The following DLGAP2 variants were observed in gnomAD, a reference collection of about 807,000 sequenced individuals.
The protein encoded by DLGAP2 is DLG associated protein 2, also known as disks large-associated protein 2.
In DLGAP2, 26 loss-of-function variants were observed where a neutral mutation model predicts 100.3. The observed-to-expected ratio is 0.26, with a 90% confidence interval of 0.19 to 0.36. The LOEUF (loss-of-function observed/expected upper bound fraction) is 0.36. DLGAP2 is among the 10% of genes least tolerant of loss of function. The pLI is 1.00. For missense variants in DLGAP2, 1,858 were observed against 1,453.2 expected, an observed-to-expected ratio of 1.28 and a Z score of -4.53; for synonymous variants, 886 against 630.1, an observed-to-expected ratio of 1.41 and a Z score of -6.08.
intron 1 of DLGAP2, among the ~76,000 whole-genome samples, chr8:800,677 T>C (rs543508334): frequency 1.3e-5 from 2 of 152,236 alleles, no homozygotes; most frequent in South Asian, 2.1e-4. Context: ...TGTGTACATG[T>C]ATGTGTATGT....
At chr8:743,782 C>T (rs1436723168) in intron 1 of DLGAP2, among the ~76,000 whole-genome samples, 2 of 152,226 alleles carry the variant, frequency 1.3e-5, no homozygotes, top group African/African-American at 4.8e-5. Context: ...CCAGACTAGA[C>T]TCTGACTCCT....
intron 3 of DLGAP2, among the ~76,000 whole-genome samples, chr8:1,447,237 G>C (rs1314723239): frequency 1.3e-5 from 2 of 152,194 alleles, no homozygotes; most frequent in Non-Finnish European, 2.9e-5. Flanking sequence ...GTTTGTCATA[G>C]ATAGCTCTTA....
chr8:788,764 A>C (rs1000710185), intron 1 of DLGAP2, among the ~76,000 whole-genome samples: 4 of 152,240 alleles, frequency 2.6e-5, no homozygotes, highest in Non-Finnish European at 5.9e-5. Flanking sequence ...GAAATACAGC[A>C]GAAGTCACTT....
chr8:1,024,544 C>T (rs553976140), intron 2 of DLGAP2, among the ~76,000 whole-genome samples: 10 of 152,278 alleles, frequency 6.6e-5, no homozygotes, highest in African/African-American at 2.4e-4. Flanking sequence ...AGCTTGGGGG[C>T]GGCTCTTCCC....
At chr8:1,576,963 A>G (rs537990335) in intron 6 of DLGAP2, among the ~76,000 whole-genome samples, 33 of 152,328 alleles carry the variant, frequency 2.2e-4, no homozygotes, top group Admixed American at 2.1e-3. Context: ...CATCGCCAAG[A>G]CAATCCTAAG....
At chr8:1,172,594 T>G (rs964108868) in intron 2 of DLGAP2, among the ~76,000 whole-genome samples, 3 of 152,050 alleles carry the variant, frequency 2.0e-5, no homozygotes. Context: ...TTTTTATTCT[T>G]TTTTCTCTAA....
chr8:1,618,332 A>C (rs554906231), intron 6 of DLGAP2, among the ~76,000 whole-genome samples: 3 of 152,336 alleles, frequency 2.0e-5, no homozygotes, highest in African/African-American at 7.2e-5. Context: ...AATAATTGGA[A>C]AATGCAGTTA....
At chr8:1,287,771 G>A (rs1366112017) in intron 3 of DLGAP2, among the ~76,000 whole-genome samples, 2 of 53,344 alleles carry the variant, frequency 3.7e-5, no homozygotes, top group Non-Finnish European at 7.4e-5. Context: ...GCGTGTGTGT[G>A]TGTGTGTGTC....
chr8:1,564,522 T>C (rs1802317198), intron 5 of DLGAP2, among the ~76,000 whole-genome samples: 1 of 152,200 alleles, frequency 6.6e-6, no homozygotes, highest in Non-Finnish European at 1.5e-5. Context: ...ATGTATGGGC[T>C]CTCAGCTCTG....
chr8:1,407,181 G>A (rs1270925719), intron 3 of DLGAP2, among the ~76,000 whole-genome samples: 3 of 42,574 alleles, frequency 7.0e-5, no homozygotes, highest in Non-Finnish European at 8.2e-5. Flanking sequence ...CTTACTGAGC[G>A]CTCCCTCCTT....
chr8:884,534 C>A (rs1040172816), intron 1 of DLGAP2, among the ~76,000 whole-genome samples: 6 of 151,626 alleles, frequency 4.0e-5, no homozygotes, highest in Non-Finnish European at 5.9e-5. Context: ...GATGTTAGAT[C>A]TTTGTCAGAT....
intron 3 of DLGAP2, among the ~76,000 whole-genome samples, chr8:1,343,960 C>G (rs1801481112): frequency 6.6e-6 from 1 of 152,334 alleles, no homozygotes; most frequent in Non-Finnish European, 1.5e-5. Context: ...GGCAGGTGTA[C>G]AGAGAAACAT....
At chr8:1,103,060 G>C (rs1804638491) in intron 2 of DLGAP2, among the ~76,000 whole-genome samples, 1 of 151,696 alleles carries the variant, frequency 6.6e-6, no homozygotes, top group African/African-American at 2.4e-5. Context: ...AGTCTCTGTG[G>C]TTTTCCGGGG....
At chr8:779,038 T>C (rs1157443520) in intron 1 of DLGAP2, among the ~76,000 whole-genome samples, 1 of 152,220 alleles carries the variant, frequency 6.6e-6, no homozygotes, top group Non-Finnish European at 1.5e-5. Context: ...GATATAATCT[T>C]GTGGTGTGCC....
chr8:1,041,524 GC>G (rs2129030619), intron 2 of DLGAP2, among the ~76,000 whole-genome samples: 1 of 151,066 alleles, frequency 6.6e-6, no homozygotes, highest in South Asian at 2.1e-4. Context: ...TGTTCTCTGA[GC>G]CCCTTGCCGT....
At chr8:1,277,586 A>T (rs1449286629) in intron 3 of DLGAP2, among the ~76,000 whole-genome samples, 2 of 152,212 alleles carry the variant, frequency 1.3e-5, no homozygotes, top group African/African-American at 2.4e-5. Context: ...TGAGTATCCC[A>T]GTATCAGCCA....
At chr8:1,249,052 A>G (rs189078061) in intron 2 of DLGAP2, among the ~76,000 whole-genome samples, 2 of 152,270 alleles carry the variant, frequency 1.3e-5, no homozygotes, top group Admixed American at 1.3e-4. Context: ...CATTGAAGAG[A>G]CTAAGCTGGG....
chr8:890,769 C>G (rs1798018486), intron 1 of DLGAP2, among the ~76,000 whole-genome samples: 1 of 152,108 alleles, frequency 6.6e-6, no homozygotes, highest in Admixed American at 6.5e-5. Flanking sequence ...CTGTGTGTCT[C>G]CGGCCTCAGC....
chr8:1,526,815 C>T (rs7011731), intron 4 of DLGAP2, among the ~76,000 whole-genome samples: 11,332 of 152,264 alleles, frequency 0.074, 468 homozygotes, highest in Middle Eastern at 0.16. Context: ...GACTCCCCTA[C>T]GTGACTTCCA....
Sources: allele counts gnomAD v4.1 joint callset (sites outside exome capture counted in the v4.1 genomes callset), GRCh38; gene constraint gnomAD v4.1.1; transcripts MANE v1.5; gene names NCBI Gene and HGNC (gene_info 2026-07-23, HGNC 2026-07-21).